ZBTB43: variants seen among roughly 807,000 people sequenced by gnomAD.
The protein encoded by ZBTB43 is zinc finger and BTB domain-containing protein 43.
A neutral mutation model predicts 31.1 loss-of-function variants in ZBTB43; 6 were observed. The ratio of observed to expected loss-of-function variants is 0.19; its 90% CI spans 0.11 to 0.38. The LOEUF is 0.38. ZBTB43 is among the 10% of genes least tolerant of loss of function. The pLI is 1.00. For missense variants in ZBTB43, 379 were observed against 602.1 expected (o/e 0.63, Z 3.88); for synonymous variants, 212 against 221.7 (o/e 0.96, Z 0.39).
Position 126,813,591 on chromosome 9 carries a change from C to G in ZBTB43, c.-24+4676C>G, listed in dbSNP as rs557329752. ...AAATGGCTTTCTGATGGTAATTTCA[C>G]CATAATCTAGGATCTTGCCGTTAGT... is the stretch of plus-strand genomic sequence containing the variant. On this transcript the variant is annotated intron_variant, in intron 2 of 2. Coordinates refer to ENST00000373464, the MANE Select transcript of ZBTB43 (RefSeq NM_014007.4). Among the ~76,000 whole-genome samples the G allele has an allele frequency of 5.3e-5, 8 of 152,218 alleles. No individual in the cohort carries two copies. In the Middle Eastern group the frequency reaches 0.01, roughly 194 times the overall value.
At position 126,818,191 on chromosome 9, in the gene ZBTB43, C is replaced by A. The variant is rs1158129535; in HGVS notation, c.-24+9276C>A. On this transcript the variant is annotated intron_variant, in intron 2 of 2. Coordinates refer to ENST00000373464, the MANE Select transcript of ZBTB43 (RefSeq NM_014007.4). ...AGGCTGGACTACACTGGTGGGATCA[C>A]AGCTCACTTTAGCCTAAAACTCTTG... 4.7e-5 allele frequency among the ~76,000 whole-genome samples: 7 copies of A among 149,630 alleles called. No homozygotes were observed. In the East Asian group the frequency reaches 1.4e-3, roughly 29 times the overall value.
At chr9:126,809,962 G>A (rs2032206394) in intron 2 of ZBTB43, among the ~76,000 whole-genome samples, 1 of 151,552 alleles carries the variant, frequency 6.6e-6, no homozygotes, top group Admixed American at 6.6e-5. Context: ...AGCCTTCAGA[G>A]TAGCTGGGAT....
chr9:126,828,085 T>G (rs2032681579), intron 2 of ZBTB43, among the ~76,000 whole-genome samples: 1 of 152,028 alleles, frequency 6.6e-6, no homozygotes, highest in Non-Finnish European at 1.5e-5. Context: ...TGACAAATAG[T>G]GTTAGAAAAA....
At chr9:126,813,214 G>T (rs772359309) in intron 2 of ZBTB43, among the ~76,000 whole-genome samples, 2 of 151,982 alleles carry the variant, frequency 1.3e-5, no homozygotes, top group African/African-American at 2.4e-5. Context: ...TCCTGACTTC[G>T]AGTGATCCAC....
At chr9:126,817,406 C>T (rs1052837561) in intron 2 of ZBTB43, among the ~76,000 whole-genome samples, 8 of 150,314 alleles carry the variant, frequency 5.3e-5, no homozygotes, top group South Asian at 2.1e-4. Flanking sequence ...CCACCATGCC[C>T]GGCTGGACTG....
chr9:126,808,026 T>A (rs1057050700), intron 1 of ZBTB43, among the ~76,000 whole-genome samples: 2 of 152,360 alleles, frequency 1.3e-5, no homozygotes, highest in African/African-American at 4.8e-5. Flanking sequence ...AAATATTTTT[T>A]AAAATTTGTC....
At chr9:126,806,038 C>T (rs2032120939) in intron 1 of ZBTB43, among the ~76,000 whole-genome samples, 1 of 152,168 alleles carries the variant, frequency 6.6e-6, no homozygotes, top group Non-Finnish European at 1.5e-5. Context: ...GACAGGAGGC[C>T]CATTTTAGGG....
intron 2 of ZBTB43, among the ~76,000 whole-genome samples, chr9:126,821,498 G>A (rs2032508068): frequency 6.6e-6 from 1 of 152,226 alleles, no homozygotes; most frequent in African/African-American, 2.4e-5. Context: ...AACAGAAGTT[G>A]ATTCCAACCC....
chr9:126,807,746 C>T (rs914375099), intron 1 of ZBTB43, among the ~76,000 whole-genome samples: 3 of 152,132 alleles, frequency 2.0e-5, no homozygotes, highest in African/African-American at 7.2e-5. Flanking sequence ...AGCGATTCTC[C>T]TGCTTCAACC....
chr9:126,826,481 T>TTTTTTG (rs2032641472), intron 2 of ZBTB43, among the ~76,000 whole-genome samples: 1 of 133,552 alleles, frequency 7.5e-6, no homozygotes, highest in African/African-American at 3.3e-5. Context: ...TTTTTTTTTT[T>TTTTTTG]GAGACAGAAT....
At chr9:126,817,775 C>T (rs1037089922) in intron 2 of ZBTB43, among the ~76,000 whole-genome samples, 1 of 152,090 alleles carries the variant, frequency 6.6e-6, no homozygotes, top group African/African-American at 2.4e-5. Context: ...TGCGCCTGGC[C>T]CCATGAGGTT....
chr9:126,832,765 C>G lies in ZBTB43; in HGVS notation c.256C>G (p.Leu86Val). Reference sequence around the variant, plus strand: ...CCCAAGAGTGTTTGAGAACATTCTCCTATCTAGTTATACAGGACGTCTAGT... The same window carrying G: ...CCCAAGAGTGTTTGAGAACATTCTCGTATCTAGTTATACAGGACGTCTAGT... Reference protein sequence around the residue: ...MNPRVFENILLSSYTGRLVMP... With the variant: ...MNPRVFENILVSSYTGRLVMP... The change falls in exon 3 of 3, where the codon CTA becomes GTA. Residue 86 changes from leucine to valine, a missense_variant. This residue lies in a region of ZBTB43 where 79 missense variants were observed against 134.4 expected (regional missense o/e 0.59). Coordinates refer to ENST00000373464, the MANE Select transcript of ZBTB43 (RefSeq NM_014007.4). 1 of 1,614,164 alleles carries G rather than the reference C, an allele frequency of 6.2e-7. No individual in the cohort carries two copies. Among genetic ancestry groups the G allele is most frequent in the South Asian group, 1.1e-5 (1 of 91,080 alleles).
At position 126,833,061 on chromosome 9, in the gene ZBTB43, G is replaced by A; in HGVS notation, c.552G>A (p.Glu184=). Residue 184 remains glutamate, a synonymous_variant, in exon 3 of 3, where the codon GAG becomes GAA. Coordinates refer to ENST00000373464, the MANE Select transcript of ZBTB43 (RefSeq NM_014007.4). This position sits in a 1 kb window ranked among gnomAD's most constrained non-coding sequence, Gnocchi z 7.9. ...ATGAAGAGGAGAGCACCAAAGACGA[G>A]CTGTCATCCCAGCTCACCGAGCACG... ...GENEEESTKD[E]LSSQLTEHEY... is the part of the protein sequence containing the mutation. 1 of 1,614,064 alleles carries A rather than the reference G, an allele frequency of 6.2e-7. No homozygotes were observed. The highest frequency in any genetic ancestry group is 8.5e-7 in the Non-Finnish European group (1 of 1,180,040).
chr9:126,825,633 C>T (rs757293891), intron 2 of ZBTB43, among the ~76,000 whole-genome samples: 1 of 151,920 alleles, frequency 6.6e-6, no homozygotes, highest in Non-Finnish European at 1.5e-5. Context: ...ATAGGGACAC[C>T]CATCATACTG....
chr9:126,821,174 G>T (rs2032501192), intron 2 of ZBTB43, among the ~76,000 whole-genome samples: 1 of 151,872 alleles, frequency 6.6e-6, no homozygotes, highest in Admixed American at 6.6e-5. Flanking sequence ...TTTGAAACCA[G>T]CCTAGCCAAC....
At chr9:126,824,404 G>A (rs1483395706) in intron 2 of ZBTB43, among the ~76,000 whole-genome samples, 3 of 152,112 alleles carry the variant, frequency 2.0e-5, no homozygotes, top group Non-Finnish European at 1.5e-5. Flanking sequence ...CATTGTCTAG[G>A]GTTCTTTTAT....
Position 126,833,137 on chromosome 9 carries a change from A to G in ZBTB43, c.628A>G (p.Met210Val), listed in dbSNP as rs566607178. The G allele has an allele frequency of 1.3e-5, 21 of 1,614,038 alleles. No individual in the cohort carries two copies. In the East Asian group the frequency reaches 4.0e-4, roughly 31 times the overall value. ...AGAGCATGACCGCCTGAGCACGGAAATGGCAAGCCAGGATGGGGAGGAGGG... is the reference window on the plus strand; with the variant it reads ...AGAGCATGACCGCCTGAGCACGGAAGTGGCAAGCCAGGATGGGGAGGAGGG... ...STEHDRLSTEMASQDGEEGAS... is the reference protein window; with the variant it reads ...STEHDRLSTEVASQDGEEGAS... Residue 210 changes from methionine to valine, a missense_variant, in exon 3 of 3, where the codon ATG becomes GTG. Physicochemically the swap from Met to Val is conservative, Grantham distance 21 (BLOSUM62 1). Around this residue, in one of 5 missense-constraint regions of ZBTB43, gnomAD observed 253 missense variants for 322.3 expected, o/e 0.79. Coordinates refer to ENST00000373464, the MANE Select transcript of ZBTB43 (RefSeq NM_014007.4). This position sits in a 1 kb window ranked among gnomAD's most constrained non-coding sequence, Gnocchi z 7.9.
intron 2 of ZBTB43, among the ~76,000 whole-genome samples, chr9:126,825,862 T>G (rs2032621068): frequency 6.9e-6 from 1 of 145,184 alleles, no homozygotes; most frequent in Non-Finnish European, 1.5e-5. Flanking sequence ...TTTTTTTTTT[T>G]TGAGATGGCG....
intron 1 of ZBTB43, among the ~76,000 whole-genome samples, chr9:126,805,730 G>A (rs1177022270): frequency 6.6e-6 from 1 of 152,172 alleles, no homozygotes; most frequent in Non-Finnish European, 1.5e-5. Flanking sequence ...TTGCTTCTGT[G>A]TCTGTTCACC....
Sources: gnomAD v4.1 joint callset for allele counts (sites outside exome capture counted in the v4.1 genomes callset) on GRCh38, gnomAD v4.1.1 for gene constraint, gnomAD v4.1.1 regional missense constraint, Gnocchi (gnomAD v3.1) non-coding constraint, MANE v1.5 for transcripts, NCBI Gene and HGNC (gene_info 2026-07-23, HGNC 2026-07-21) for gene names.